Variants in FBH1 observed in about 807,000 individuals in gnomAD.
FBH1 encodes the protein F-box DNA helicase 1, also known as DNA 3'-5' helicase 1.
FBH1 carries 43 observed loss-of-function variants against 115.5 expected under a neutral mutation model. The ratio of observed to expected loss-of-function variants is 0.37; its 90% CI spans 0.29 to 0.48. FBH1 has a LOEUF of 0.48. Among genes scored for constraint, FBH1 ranks in the 20% least tolerant of loss-of-function variants. FBH1 has a pLI of 0.99. For missense variants in FBH1, 1,001 were observed against 1,337.3 expected, an observed-to-expected ratio of 0.75 and a Z score of 3.92; for synonymous variants, 524 against 507.8, an observed-to-expected ratio of 1.03 and a Z score of -0.43.
In FBH1 at chr10:5,913,853, T is replaced by C. The variant is rs1211286558; in HGVS notation, c.1304+14T>C. 1 of 1,569,480 alleles carries C rather than the reference T, an allele frequency of 6.4e-7. No homozygotes were observed. On this transcript the variant is annotated intron_variant, in intron 7 of 20. Transcript: ENST00000362091. This position sits in a 1 kb window ranked among gnomAD's most constrained non-coding sequence, Gnocchi z 4.4. Reference sequence around the variant, plus strand: ...TGTCTGGCCAGGGTATGTGTATATGTGCGTCAGCGTGTGTTTTGTCTTCTG... The same window carrying C: ...TGTCTGGCCAGGGTATGTGTATATGCGCGTCAGCGTGTGTTTTGTCTTCTG...
rs953785298 is a variant in FBH1, at chr10:5,925,866, A to G, written c.2722+374A>G. On this transcript the variant is annotated intron_variant, in intron 18 of 20. Coordinates refer to ENST00000362091, the MANE Select transcript of FBH1 (RefSeq NM_178150.3). This position sits in a 1 kb window ranked among gnomAD's most constrained non-coding sequence, Gnocchi z 4.6. ...CCATGGCATTTTTTTCCTTTCATTAATTCCTCTTCATTTTATTAAAGAGAG... is the reference window on the plus strand; with the variant it reads ...CCATGGCATTTTTTTCCTTTCATTAGTTCCTCTTCATTTTATTAAAGAGAG... 2.0e-5 allele frequency among the ~76,000 whole-genome samples: 3 copies of G among 152,164 alleles called. No individual in the cohort carries two copies. The highest frequency in any genetic ancestry group is 7.2e-5 in the African/African-American group (3 of 41,436).
chr10:5,909,013 G>T lies in FBH1; in HGVS notation c.842G>T (p.Gly281Val). 1 of 1,614,180 alleles carries T rather than the reference G, an allele frequency of 6.2e-7. No homozygotes were observed. The highest frequency in any genetic ancestry group is 8.5e-7 in the Non-Finnish European group (1 of 1,180,026). Residue 281 changes from glycine (G) to valine (V), a missense_variant, in exon 4 of 21, where the codon GGC becomes GTC. Transcript: ENST00000362091. The surrounding 1 kb of genome is among the most constrained non-coding windows in gnomAD (Gnocchi z 4.4). ...GTGGACGGCATCCTGTCTAACTGTG[G>T]CATAGAAAAGGAGTCAGACCTGTGT... ...SKVDGILSNC[G>V]IEKESDLCVL...
intron 6 of FBH1, among the ~76,000 whole-genome samples, chr10:5,912,766 C>T (rs1831681678): frequency 6.6e-6 from 1 of 152,224 alleles, no homozygotes; most frequent in Admixed American, 6.5e-5. Flanking sequence ...CCCTTGTACT[C>T]TCACCTAACA....
In FBH1 at chr10:5,914,241, C is replaced by T. The variant is rs78214360; in HGVS notation, c.1368C>T (p.Leu456=). 7.6e-3 allele frequency: 12,347 copies of T among 1,614,214 alleles called. 74 individuals carry two copies. The highest frequency in any genetic ancestry group is 0.014 in the South Asian group (1,255 of 91,076). The change falls in exon 8 of 21, where the codon CTC becomes CTT. Residue 456 remains leucine, a synonymous_variant. Coordinates refer to ENST00000362091, the MANE Select transcript of FBH1 (RefSeq NM_178150.3). This position sits in a 1 kb window ranked among gnomAD's most constrained non-coding sequence, Gnocchi z 5.2. ...QLILNHKMEP[L]QVVKIMAFAG... ...TTCTGAATCACAAGATGGAACCTCT[C>T]CAGGTGGTGAAAATTATGGCCTTTG...
rs145970308 is a variant in FBH1, at chr10:5,914,444, C to G, written c.1396+175C>G. 6.6e-6 allele frequency among the ~76,000 whole-genome samples: 1 copy of G among 152,216 alleles called. No homozygotes were observed. Among genetic ancestry groups the G allele is most frequent in the East Asian group, 1.9e-4 (1 of 5,202 alleles). On this transcript the variant is annotated intron_variant, in intron 8 of 20. Transcript: ENST00000362091. This position sits in a 1 kb window ranked among gnomAD's most constrained non-coding sequence, Gnocchi z 5.2. ...ATTGGCCAAGGAATACTTACTTCCC[C>G]GGACCACTCCATGAACATCCACAGA... is the stretch of plus-strand genomic sequence containing the variant.
intron 1 of FBH1, among the ~76,000 whole-genome samples, chr10:5,898,553 G>C (rs898411004): frequency 6.6e-6 from 1 of 152,150 alleles, no homozygotes; most frequent in African/African-American, 2.4e-5. Context: ...TGGGGTTACA[G>C]GTGCCCGCCA....
chr10:5,913,074 C>G lies in FBH1; in HGVS notation c.1212-673C>G, dbSNP rs1385182166. 6.6e-6 allele frequency among the ~76,000 whole-genome samples: 1 copy of G among 152,062 alleles called. No homozygotes were observed. The highest frequency in any genetic ancestry group is 2.4e-5 in the African/African-American group (1 of 41,388). On this transcript the variant is annotated intron_variant, in intron 6 of 20. Coordinates refer to ENST00000362091, the MANE Select transcript of FBH1 (RefSeq NM_178150.3). The surrounding 1 kb of genome is among the most constrained non-coding windows in gnomAD (Gnocchi z 4.4). ...GCTCACCCCCGGTCTCCCCCACAGT[C>G]CAGGGGAGACTTGGAGAGGCTTTGG...
chr10:5,934,169 C>G (rs760492359), intron 19 of FBH1: 1 of 152,172 alleles, frequency 6.6e-6, no homozygotes, highest in Non-Finnish European at 1.5e-5. Context: ...CCTGCGCTGC[C>G]TAGAACGATA....
chr10:5,908,807 C>A, intron 3 of FBH1, 118 bp from the exon 4 acceptor site: 1 of 1,137,622 alleles, frequency 8.8e-7, no homozygotes, highest in Non-Finnish European at 1.3e-6. Flanking sequence ...GACGGGGCTT[C>A]ACCATGTTGG....
chr10:5,932,906 G>C lies in FBH1; in HGVS notation c.2830-3550G>C, dbSNP rs1185426493. Among the ~76,000 whole-genome samples the C allele has an allele frequency of 1.3e-5, 2 of 152,030 alleles. No homozygotes were observed. Among genetic ancestry groups the C allele is most frequent in the South Asian group, 4.1e-4 (2 of 4,822 alleles). ...CTAATTCTGTATTTTTTGTAGAGACGGGGTTTTGTCTGTTTCCCAGGCTGG... is the reference window on the plus strand; with the variant it reads ...CTAATTCTGTATTTTTTGTAGAGACCGGGTTTTGTCTGTTTCCCAGGCTGG... On this transcript the variant is annotated intron_variant, in intron 19 of 20. Coordinates refer to ENST00000362091, the MANE Select transcript of FBH1 (RefSeq NM_178150.3). This position sits in a 1 kb window ranked among gnomAD's most constrained non-coding sequence, Gnocchi z 5.9.
At position 5,918,512 on chromosome 10, in the gene FBH1, C is replaced by G. The variant is rs758733554; in HGVS notation, c.2100+34C>G. On this transcript the variant is annotated intron_variant, in intron 13 of 20. Transcript: ENST00000362091. The surrounding 1 kb of genome is among the most constrained non-coding windows in gnomAD (Gnocchi z 4.0). ...GCACTCTGCATGGGAGGCATTGCATCTCTCTCCCAATGTCTTACGTGCCAG... is the reference window on the plus strand; with the variant it reads ...GCACTCTGCATGGGAGGCATTGCATGTCTCTCCCAATGTCTTACGTGCCAG... 1.1e-4 allele frequency: 166 copies of G among 1,526,582 alleles called. No homozygotes were observed. Among genetic ancestry groups the G allele is most frequent in the Non-Finnish European group, 1.3e-4 (154 of 1,141,316 alleles). The allele number at this position is 1,526,582 out of a possible 1,614,324, so 94.6% of individuals were successfully genotyped here.
chr10:5,930,636 G>A (rs554146579), intron 19 of FBH1, among the ~76,000 whole-genome samples: 3 of 152,248 alleles, frequency 2.0e-5, no homozygotes, highest in East Asian at 1.9e-4. Context: ...GTTTTTCCCC[G>A]TTAGTGATGC....
chr10:5,908,845 A>G (rs1831378422), intron 3 of FBH1, 80 bp from the exon 4 acceptor site: 1 of 1,502,630 alleles, frequency 6.7e-7, no homozygotes, highest in African/African-American at 1.4e-5. Flanking sequence ...TCCTGACCTC[A>G]GGCGATCTGC....
chr10:5,910,773 G>T lies in FBH1; in HGVS notation c.1021-165G>T, dbSNP rs1255527177. Among the ~76,000 whole-genome samples the T allele has an allele frequency of 6.6e-6, 1 of 152,190 alleles. No individual in the cohort carries two copies. The highest frequency in any genetic ancestry group is 2.4e-5 in the African/African-American group (1 of 41,440). ...GAAGGAGTCCAGGGCGAACAGAAGG[G>T]CTCCCCTGTTTCCCAAATACAACTT... is the stretch of plus-strand genomic sequence containing the variant. On this transcript the variant is annotated intron_variant, in intron 5 of 20. Coordinates refer to ENST00000362091, the MANE Select transcript of FBH1 (RefSeq NM_178150.3). This position sits in a 1 kb window ranked among gnomAD's most constrained non-coding sequence, Gnocchi z 4.8.
Position 5,925,304 on chromosome 10 carries a change from T to G in FBH1, c.2597-63T>G, listed in dbSNP as rs1008966343. On this transcript the variant is annotated intron_variant, in intron 17 of 20. Transcript: ENST00000362091. The surrounding 1 kb of genome is among the most constrained non-coding windows in gnomAD (Gnocchi z 4.6). ...AGAGTCAAGTGGGAAACATGTATGT[T>G]TTTGTCATCTTGTTTCTTTCCCTTT... is the stretch of plus-strand genomic sequence containing the variant. The G allele has an allele frequency of 9.5e-6, 15 of 1,586,132 alleles. No homozygotes were observed. The African/African-American group carries it at 1.9e-4, about 20-fold the overall frequency.
In FBH1 at chr10:5,923,637, G is replaced by A. The variant is rs1317554956; in HGVS notation, c.2339G>A (p.Gly780Glu). 6.2e-6 allele frequency: 10 copies of A among 1,613,820 alleles called. No homozygotes were observed. Among genetic ancestry groups the A allele is most frequent in the Non-Finnish European group, 8.5e-6 (10 of 1,179,962 alleles). The change falls in exon 16 of 21, where the codon GGA becomes GAA. Residue 780 changes from glycine to glutamate, a missense_variant. This residue lies in a region of FBH1 where 521 missense variants were observed against 811.0 expected (regional missense o/e 0.64). Coordinates refer to ENST00000362091, the MANE Select transcript of FBH1 (RefSeq NM_178150.3). This position sits in a 1 kb window ranked among gnomAD's most constrained non-coding sequence, Gnocchi z 5.7. The part of the protein sequence containing the change: ...IHLIGGIKSF[G>E]LDRIIDIWIL... ...CTTTTTCAGGGGATTAAATCATTTG[G>A]ATTGGACAGAATCATTGATATTTGG...
At position 5,906,676 on chromosome 10, in the gene FBH1, G is replaced by A. The variant is rs141874023; in HGVS notation, c.753+44G>A. 1.0e-3 allele frequency: 1,491 copies of A among 1,483,422 alleles called. 9 individuals carry two copies. In the African/African-American group the frequency reaches 0.016, roughly 16 times the overall value. 91.9% of individuals were successfully genotyped at this position (1,483,422 alleles called of 1,614,324 possible). ...CGGGAGATGTTTCCTCTAAAAGCAC[G>A]TAACTTTGCTTAATGCACGCTTATA... On this transcript the variant is annotated intron_variant, in intron 3 of 20. Coordinates refer to ENST00000362091, the MANE Select transcript of FBH1 (RefSeq NM_178150.3). This position sits in a 1 kb window ranked among gnomAD's most constrained non-coding sequence, Gnocchi z 7.3.
chr10:5,916,037 G>C, intron 9 of FBH1, 197 bp from the exon 10 acceptor site: 1 of 589,480 alleles, frequency 1.7e-6, no homozygotes, highest in East Asian at 2.9e-5. Flanking sequence ...CCTATTCTGG[G>C]TTGGTACATG....
rs939883919 is a variant in FBH1, at chr10:5,937,167, A to C, written c.3019A>C (p.Ile1007Leu). Residue 1007 changes from isoleucine to leucine, a missense_variant, in exon 21 of 21, where the codon ATC becomes CTC. By Grantham distance (5) the Ile-to-Leu change is conservative (BLOSUM62 2). Transcript: ENST00000362091. ...YLCHSCAEQR[I>L]GPLAFLTASP... ...CTGCCACTCCTGTGCGGAGCAGCGC[A>C]TCGGGCCCCTGGCGTTCCTGACAGC... is the stretch of plus-strand genomic sequence containing the variant. 6.2e-7 allele frequency: 1 copy of C among 1,614,000 alleles called. No homozygotes were observed. The highest frequency in any genetic ancestry group is 1.3e-5 in the African/African-American group (1 of 74,956).
Sources: gnomAD v4.1 joint callset for allele counts (sites outside exome capture counted in the v4.1 genomes callset) on GRCh38, gnomAD v4.1.1 for gene constraint, gnomAD v4.1.1 regional missense constraint, Gnocchi (gnomAD v3.1) non-coding constraint, MANE v1.5 for transcripts, NCBI Gene and HGNC (gene_info 2026-07-23, HGNC 2026-07-21) for gene names.